MYCBPAP: variants seen among roughly 807,000 people sequenced by gnomAD.
MYCBPAP encodes MYCBP associated protein.
A neutral mutation model predicts 106.1 loss-of-function variants in MYCBPAP; 60 were observed. The observed-to-expected ratio is 0.57, with a 90% CI of 0.46 to 0.70. MYCBPAP has a LOEUF of 0.70. MYCBPAP is among the 30% of genes least tolerant of loss of function. MYCBPAP has a pLI of 0.00. For synonymous variants in MYCBPAP, 407 were observed against 440.6 expected, an observed-to-expected ratio of 0.92 and a Z score of 0.95; for missense variants, 1,064 against 1,169.3, an observed-to-expected ratio of 0.91 and a Z score of 1.31.
intron 7 of MYCBPAP, 176 bp downstream of exon 7, chr17:50,519,963 T>C (rs2034200174): frequency 4.8e-6 from 3 of 626,726 alleles, no homozygotes; most frequent in Non-Finnish European, 7.9e-6. Flanking sequence ...CCTCTTCTTT[T>C]TCTTCAGTAA....
At chr17:50,512,991 T>C (rs1232834550) in intron 1 of MYCBPAP, among the ~76,000 whole-genome samples, 2 of 150,434 alleles carry the variant, frequency 1.3e-5, no homozygotes, top group Non-Finnish European at 3.0e-5. Context: ...CTGAGGCAGG[T>C]GGATCATATG....
At chr17:50,519,420 A>C in intron 6 of MYCBPAP, 1 of 617,316 alleles carries the variant, frequency 1.6e-6, no homozygotes, top group African/African-American at 1.8e-5. Context: ...CCAGTGCAGT[A>C]CCTGTACCAA....
At chr17:50,508,884 C>G (rs1435457649) in intron 1 of MYCBPAP, 134 bp downstream of exon 1, 4 of 860,376 alleles carry the variant, frequency 4.6e-6, no homozygotes, top group Middle Eastern at 6.1e-4. Context: ...AAGTGGGGTA[C>G]TGGGCATAGG....
At chr17:50,526,410 C>CTATA in intron 14 of MYCBPAP, 143 bp downstream of exon 14, 1 of 378,712 alleles carries the variant, frequency 2.6e-6, no homozygotes, top group South Asian at 6.9e-5. Flanking sequence ...GGTTATCTAT[C>CTATA]TATCTATTTA....
In MYCBPAP at chr17:50,531,477, A is replaced by T; in HGVS notation, c.*49A>T. The stretch of plus-strand genomic sequence containing the variant: ...GGAAAACGGGTTAATAAATAAATCA[A>T]TAAAGAACCTTCAAGTTTCTACTAC... On this transcript the variant is annotated 3_prime_UTR_variant, in exon 19 of 19. Coordinates refer to ENST00000323776, the MANE Select transcript of MYCBPAP (RefSeq NM_032133.6). 1 of 1,411,952 alleles carries T rather than the reference A, an allele frequency of 7.1e-7. No homozygotes were observed. Among genetic ancestry groups the T allele is most frequent in the Non-Finnish European group, 9.8e-7 (1 of 1,024,978 alleles). The allele number at this position is 1,411,952 out of a possible 1,614,324, so 87.5% of individuals were successfully genotyped here. A position where few individuals can be genotyped will look rare whatever the true frequency, so the allele number is the denominator to read the frequency against.
chr17:50,518,837 C>T, intron 5 of MYCBPAP, 113 bp downstream of exon 5: 3 of 1,479,146 alleles, frequency 2.0e-6, no homozygotes, highest in Non-Finnish European at 2.8e-6. Flanking sequence ...TGTGCTTTCA[C>T]TCCCAAGAGT....
chr17:50,522,370 T>C, intron 10 of MYCBPAP: 1 of 291,396 alleles, frequency 3.4e-6, no homozygotes, highest in Non-Finnish European at 6.8e-6. Context: ...CTTCAGATGC[T>C]AAGGAATAGA....
At position 50,530,206 on chromosome 17, in the gene MYCBPAP, C is replaced by T. The variant is rs192609183; in HGVS notation, c.2724+1018C>T. On this transcript the variant is annotated intron_variant, in intron 18 of 18. Transcript: ENST00000323776. ...ATGGCTCTTTGATATTAAGAATCAA[C>T]TTGCAGACCAGGTGCGGTGGCTCGT... 4.6e-5 allele frequency: 20 copies of T among 438,670 alleles called. No individual in the cohort carries two copies. In the East Asian group the frequency reaches 1.4e-3, roughly 31 times the overall value. 27.2% of individuals were successfully genotyped at this position (438,670 alleles called of 1,614,324 possible).
At chr17:50,524,676 G>A (rs1378769726) in intron 12 of MYCBPAP, among the ~76,000 whole-genome samples, 1 of 151,348 alleles carries the variant, frequency 6.6e-6, no homozygotes, top group Non-Finnish European at 1.5e-5. Flanking sequence ...AAGGATGTCT[G>A]GAGAGACTCA....
intron 1 of MYCBPAP, chr17:50,509,955 A>T (rs1404319757): frequency 6.6e-5 from 10 of 152,212 alleles, no homozygotes; most frequent in African/African-American, 2.2e-4. Flanking sequence ...GACAAGAAAA[A>T]AAAGGAGAGG....
chr17:50,525,050 C>A, intron 13 of MYCBPAP, 27 bp downstream of exon 13: 1 of 1,601,450 alleles, frequency 6.2e-7, no homozygotes, highest in South Asian at 1.1e-5. Flanking sequence ...GCCCCTGCCC[C>A]CTCATGTGTG....
In MYCBPAP at chr17:50,518,644, C is replaced by A. The variant is rs1186715521; in HGVS notation, c.572C>A (p.Ala191Asp). The change falls in exon 5 of 19, where the codon GCC (alanine) becomes GAC (aspartate). Residue 191 changes from alanine to aspartate, a missense_variant. Transcript: ENST00000323776. ...AAAGAAGAGAAGAGACCTCCCTGGG[C>A]CCCACCTCCTCAGCACAACTTTCTG... ...APKEEKRPPW[A>D]PPPQHNFLKN... 2 of 1,609,978 alleles carry A rather than the reference C, an allele frequency of 1.2e-6. No homozygotes were observed. The highest frequency in any genetic ancestry group is 1.1e-5 in the South Asian group (1 of 90,562).
At chr17:50,523,194 A>G in intron 11 of MYCBPAP, 66 bp downstream of exon 11, 10 of 1,521,490 alleles carry the variant, frequency 6.6e-6, no homozygotes, top group Non-Finnish European at 9.0e-6. Flanking sequence ...TCCGTGAGAC[A>G]TCAAAGTTTA....
At chr17:50,516,354 G>A (rs2034050670) in intron 1 of MYCBPAP, among the ~76,000 whole-genome samples, 1 of 152,136 alleles carries the variant, frequency 6.6e-6, no homozygotes, top group Non-Finnish European at 1.5e-5. Flanking sequence ...GGTGAGCCAG[G>A]GGCTGTGGGT....
chr17:50,523,483 G>T, intron 11 of MYCBPAP, 114 bp from the exon 12 acceptor site: 1 of 1,106,582 alleles, frequency 9.0e-7, no homozygotes, highest in Admixed American at 2.3e-5. Context: ...GGCAAACTGG[G>T]ATGGTTGGCC....
At chr17:50,525,397 CT>C (rs984339227) in intron 13 of MYCBPAP, among the ~76,000 whole-genome samples, 1 of 152,218 alleles carries the variant, frequency 6.6e-6, no homozygotes, top group East Asian at 1.9e-4. Flanking sequence ...ATAGCAAACT[CT>C]TTTATGTGCC....
chr17:50,513,923 C>T (rs1035344973), intron 1 of MYCBPAP, among the ~76,000 whole-genome samples: 13 of 152,192 alleles, frequency 8.5e-5, no homozygotes, highest in South Asian at 2.1e-4. Context: ...GGGGTTCAGC[C>T]GGCAGCCCTG....
intron 1 of MYCBPAP, chr17:50,514,977 CT>C (rs1364802516): frequency 2.4e-6 from 1 of 411,744 alleles, no homozygotes; most frequent in Admixed American, 2.7e-5. Flanking sequence ...TCACTGAGCT[CT>C]TCACGATATG....
chr17:50,514,169 G>A (rs1027100605), intron 1 of MYCBPAP, among the ~76,000 whole-genome samples: 3 of 152,286 alleles, frequency 2.0e-5, no homozygotes, highest in Middle Eastern at 3.4e-3. Context: ...GATTACAAGC[G>A]TAAGCCACTG....
Sources: allele counts gnomAD v4.1 joint callset (sites outside exome capture counted in the v4.1 genomes callset), GRCh38; gene constraint gnomAD v4.1.1; transcripts MANE v1.5; gene names NCBI Gene and HGNC (gene_info 2026-07-23, HGNC 2026-07-21).